MAGI2: variants seen among roughly 807,000 people sequenced by gnomAD.
MAGI2 encodes membrane-associated guanylate kinase, WW and PDZ domain-containing protein 2.
Under a neutral mutation model 133.3 loss-of-function variants are expected in MAGI2, and 35 were observed. That is an observed-to-expected ratio of 0.26 (90% CI 0.20 to 0.35). The LOEUF (loss-of-function observed/expected upper bound fraction) is 0.35, where lower values mean the gene tolerates loss of function less well. Ranked by LOEUF, MAGI2 falls within the 10% of genes least tolerant of loss-of-function variation. The probability of loss-of-function intolerance (pLI) is 1.00; values close to 1 mark genes in which losing one functional copy is unlikely to be tolerated. For synonymous variants in MAGI2, 729 were observed against 710.6 expected, an observed-to-expected ratio of 1.03 and a Z score of -0.41; for missense variants, 1,636 against 1,863.4, an observed-to-expected ratio of 0.88 and a Z score of 2.25.
chr7:78,303,432 T>C (rs1285779449), intron 9 of MAGI2, among the ~76,000 whole-genome samples: 1 of 143,082 alleles, frequency 7.0e-6, no homozygotes, highest in Non-Finnish European at 1.5e-5. Context: ...ATCATCTGGA[T>C]ATCTTTAAAG....
At chr7:78,824,121 C>T (rs1790412868) in intron 2 of MAGI2, among the ~76,000 whole-genome samples, 1 of 152,050 alleles carries the variant, frequency 6.6e-6, no homozygotes, top group African/African-American at 2.4e-5. Context: ...ATGTAAAGTG[C>T]CTGCTGGATG....
At chr7:78,962,440 G>T (rs1802922713) in intron 2 of MAGI2, among the ~76,000 whole-genome samples, 1 of 150,650 alleles carries the variant, frequency 6.6e-6, no homozygotes, top group South Asian at 2.1e-4. Context: ...ATCATAGAGA[G>T]ACCAATTATC....
intron 6 of MAGI2, among the ~76,000 whole-genome samples, chr7:78,466,927 T>A (rs887896214): frequency 6.6e-6 from 1 of 152,092 alleles, no homozygotes; most frequent in African/African-American, 2.4e-5. Context: ...TACCTTTAGG[T>A]AGTAAAATTA....
chr7:78,715,204 T>C (rs1222649415), intron 2 of MAGI2, among the ~76,000 whole-genome samples: 1 of 152,146 alleles, frequency 6.6e-6, no homozygotes, highest in Non-Finnish European at 1.5e-5. Context: ...TCTATTTTTC[T>C]TCGGTTCCAG....
At chr7:78,431,664 A>G (rs1799806841) in intron 6 of MAGI2, among the ~76,000 whole-genome samples, 1 of 152,116 alleles carries the variant, frequency 6.6e-6, no homozygotes, top group Non-Finnish European at 1.5e-5. Context: ...CAACGCCATG[A>G]CCCAGAGACT....
At chr7:79,196,694 GT>G (rs1207609743) in intron 1 of MAGI2, among the ~76,000 whole-genome samples, 1 of 151,702 alleles carries the variant, frequency 6.6e-6, no homozygotes, top group African/African-American at 2.4e-5. Context: ...CATTTGTAGA[GT>G]TTCCTACTCT....
At chr7:79,370,959 A>G (rs1417783815) in intron 1 of MAGI2, among the ~76,000 whole-genome samples, 1 of 151,894 alleles carries the variant, frequency 6.6e-6, no homozygotes, top group South Asian at 2.1e-4. Flanking sequence ...CAGGGATCTC[A>G]TGGCTTCCAG....
intron 2 of MAGI2, among the ~76,000 whole-genome samples, chr7:78,756,073 A>G (rs946569882): frequency 1.3e-5 from 2 of 152,176 alleles, no homozygotes; most frequent in African/African-American, 4.8e-5. Context: ...CTTCGAGGTC[A>G]CTTACACTCA....
At chr7:78,275,133 A>T (rs1430310475) in intron 9 of MAGI2, among the ~76,000 whole-genome samples, 1 of 152,212 alleles carries the variant, frequency 6.6e-6, no homozygotes, top group African/African-American at 2.4e-5. Context: ...GGAAAAGCAC[A>T]GTATCTGGAC....
intron 1 of MAGI2, among the ~76,000 whole-genome samples, chr7:79,166,184 C>T (rs1416133693): frequency 2.0e-5 from 3 of 152,022 alleles, no homozygotes; most frequent in African/African-American, 7.2e-5. Context: ...GTGGGTGGGA[C>T]TGTGGATATA....
At chr7:79,131,733 C>G (rs1820954420) in intron 1 of MAGI2, among the ~76,000 whole-genome samples, 1 of 152,102 alleles carries the variant, frequency 6.6e-6, no homozygotes, top group African/African-American at 2.4e-5. Flanking sequence ...TGTAGCATGT[C>G]TTTCGTTTTT....
At chr7:78,578,658 G>A (rs1427989052) in intron 3 of MAGI2, among the ~76,000 whole-genome samples, 2 of 151,982 alleles carry the variant, frequency 1.3e-5, no homozygotes, top group Non-Finnish European at 2.9e-5. Context: ...GGAAGAAGGA[G>A]GACTGCTTTG....
chr7:78,508,670 C>G (rs17436052), intron 4 of MAGI2, among the ~76,000 whole-genome samples: 59,708 of 151,950 alleles, frequency 0.39, 12,157 homozygotes, highest in South Asian at 0.47. Flanking sequence ...TAAGCATGCT[C>G]TCGCACACAT....
At chr7:79,021,474 G>A (rs1377305236) in intron 1 of MAGI2, among the ~76,000 whole-genome samples, 3 of 152,226 alleles carry the variant, frequency 2.0e-5, no homozygotes, top group Middle Eastern at 3.2e-3. Context: ...AGTGTGACCT[G>A]AATGTGAGAC....
At chr7:78,074,553 T>C (rs1371601131) in intron 21 of MAGI2, among the ~76,000 whole-genome samples, 1 of 152,234 alleles carries the variant, frequency 6.6e-6, no homozygotes, top group Non-Finnish European at 1.5e-5. Flanking sequence ...AGTAGGATTA[T>C]ATTCTTGGCT....
intron 6 of MAGI2, among the ~76,000 whole-genome samples, chr7:78,416,285 T>C (rs1322888737): frequency 6.6e-6 from 1 of 152,076 alleles, no homozygotes; most frequent in Admixed American, 6.6e-5. Context: ...TAGGCAGTGA[T>C]ATGGCAAGCT....
chr7:78,444,657 C>A (rs1288853579), intron 6 of MAGI2, among the ~76,000 whole-genome samples: 1 of 151,752 alleles, frequency 6.6e-6, no homozygotes, highest in Non-Finnish European at 1.5e-5. Context: ...ATAATATGAT[C>A]CTGATGTCAT....
chr7:78,837,222 A>G (rs897415009), intron 2 of MAGI2, among the ~76,000 whole-genome samples: 1 of 152,162 alleles, frequency 6.6e-6, no homozygotes, highest in African/African-American at 2.4e-5. Context: ...AATGAAACAC[A>G]TCTTACTAAT....
intron 2 of MAGI2, among the ~76,000 whole-genome samples, chr7:78,806,915 AATAAAAT>A (rs1411404303): frequency 6.7e-6 from 1 of 150,200 alleles, no homozygotes; most frequent in Non-Finnish European, 1.5e-5. Context: ...AATAAAATAA[AATAAAAT>A]AAATTCGTAA....
Sources: allele counts gnomAD v4.1 joint callset (sites outside exome capture counted in the v4.1 genomes callset), GRCh38; gene constraint gnomAD v4.1.1; transcripts MANE v1.5; gene names NCBI Gene and HGNC (gene_info 2026-07-23, HGNC 2026-07-21).